Variants in CDH23 observed in about 807,000 individuals in gnomAD.
CDH23 encodes cadherin-23.
Under a neutral mutation model 317.1 loss-of-function variants are expected in CDH23, and 189 were observed. The ratio of observed to expected loss-of-function variants is 0.60; its 90% CI spans 0.53 to 0.67. The LOEUF is 0.67. CDH23 is among the 30% of genes least tolerant of loss of function. CDH23 has a pLI of 0.00. For synonymous variants in CDH23, 1,839 were observed against 1,876.8 expected (o/e 0.98, Z 0.52); for missense variants, 4,401 against 4,592.4 (o/e 0.96, Z 1.20).
At chr10:71,761,493 C>G (rs1366123076) in intron 38 of CDH23, 1 of 1,312,900 alleles carries the variant, frequency 7.6e-7, no homozygotes, top group Non-Finnish European at 1.0e-6. Flanking sequence ...GCCAGTGTTA[C>G]CCATGCAGCC....
intron 1 of CDH23, among the ~76,000 whole-genome samples, chr10:71,398,808 C>A (rs1030910101): frequency 6.6e-6 from 1 of 152,044 alleles, no homozygotes; most frequent in Non-Finnish European, 1.5e-5. Flanking sequence ...GGGTGTCCCC[C>A]GTGAGTTGGG....
At chr10:71,548,535 T>A (rs1448518020) in intron 6 of CDH23, among the ~76,000 whole-genome samples, 2 of 152,104 alleles carry the variant, frequency 1.3e-5, no homozygotes, top group African/African-American at 4.8e-5. Flanking sequence ...AGCCCCAACT[T>A]GGGGAACCAG....
chr10:71,810,083 C>T lies in CDH23; in HGVS notation c.8979+7C>T. On this transcript the variant is annotated splice_region_variant and intron_variant, in intron 61 of 69. Coordinates refer to ENST00000224721, the MANE Select transcript of CDH23 (RefSeq NM_022124.6). ...CAATACTGACAATGTGCAGGTGCCT[C>T]ATGGGCCCACCCGGGGCCGGGGCAG... 2 of 1,609,764 alleles carry T rather than the reference C, an allele frequency of 1.2e-6. No homozygotes were observed. The highest frequency in any genetic ancestry group is 1.7e-6 in the Non-Finnish European group (2 of 1,177,558).
intron 6 of CDH23, among the ~76,000 whole-genome samples, chr10:71,521,562 A>G (rs532708723): frequency 6.6e-6 from 1 of 152,266 alleles, no homozygotes; most frequent in South Asian, 2.1e-4. Context: ...AGATGCTGCC[A>G]TCCAAGCCCA....
chr10:71,511,006 G>A lies in CDH23; in HGVS notation c.336+5G>A. ...TCTGTCAGCGACCACCAGGGGGTGA[G>A]TGTTCCCTGGGGCCCTGGAGGCATG... On this transcript the variant is annotated splice_donor_5th_base_variant and intron_variant, in intron 5 of 69. Coordinates refer to ENST00000224721, the MANE Select transcript of CDH23 (RefSeq NM_022124.6). 1 of 1,613,798 alleles carries A rather than the reference G, an allele frequency of 6.2e-7. No homozygotes were observed. The highest frequency in any genetic ancestry group is 8.5e-7 in the Non-Finnish European group (1 of 1,179,704).
intron 20 of CDH23, among the ~76,000 whole-genome samples, chr10:71,693,470 G>A (rs773167223): frequency 1.6e-4 from 25 of 152,194 alleles, no homozygotes; most frequent in Non-Finnish European, 3.2e-4. Context: ...TCTTCACAAT[G>A]TAATTAGGAA....
chr10:71,496,509 C>A (rs149030786), intron 3 of CDH23, among the ~76,000 whole-genome samples: 1 of 152,096 alleles, frequency 6.6e-6, no homozygotes, highest in Non-Finnish European at 1.5e-5. Flanking sequence ...CATCACCTGG[C>A]GATTTAGAAC....
intron 41 of CDH23, among the ~76,000 whole-genome samples, chr10:71,782,490 G>C (rs891664439): frequency 1.3e-5 from 2 of 152,260 alleles, no homozygotes; most frequent in African/African-American, 2.4e-5. Context: ...TGCAGACCTA[G>C]ATATGATTGG....
chr10:71,629,608 G>A (rs1861909038), intron 11 of CDH23, among the ~76,000 whole-genome samples: 1 of 152,224 alleles, frequency 6.6e-6, no homozygotes. Flanking sequence ...CTGTACATCC[G>A]CTGCCGAATG....
chr10:71,617,184 G>T, intron 10 of CDH23, 21 bp from the exon 11 acceptor site: 1 of 1,603,258 alleles, frequency 6.2e-7, no homozygotes, highest in South Asian at 1.1e-5. Context: ...TCACTCCGGG[G>T]TGACTGATCT....
intron 6 of CDH23, among the ~76,000 whole-genome samples, chr10:71,515,111 G>A (rs1485796005): frequency 3.9e-5 from 6 of 152,196 alleles, no homozygotes; most frequent in Non-Finnish European, 4.4e-5. Context: ...TGTGAGGTTA[G>A]AAGTCTGGTG....
At chr10:71,530,306 C>T (rs938001813) in intron 6 of CDH23, among the ~76,000 whole-genome samples, 1 of 152,228 alleles carries the variant, frequency 6.6e-6, no homozygotes, top group African/African-American at 2.4e-5. Context: ...AGAGGCCCAC[C>T]TTTCCCGGCT....
chr10:71,692,508 T>G (rs1865223618), intron 20 of CDH23, among the ~76,000 whole-genome samples: 1 of 152,230 alleles, frequency 6.6e-6, no homozygotes, highest in Non-Finnish European at 1.5e-5. Context: ...CGTTTAAAAC[T>G]TTTTAGAGAT....
At chr10:71,521,952 G>A (rs1210218529) in intron 6 of CDH23, among the ~76,000 whole-genome samples, 3 of 152,164 alleles carry the variant, frequency 2.0e-5, no homozygotes, top group Non-Finnish European at 2.9e-5. Context: ...TAAGACAAGT[G>A]CAGCTCAACC....
intron 3 of CDH23, among the ~76,000 whole-genome samples, chr10:71,465,554 A>T (rs1378821887): frequency 3.3e-5 from 5 of 152,244 alleles, no homozygotes; most frequent in Non-Finnish European, 1.5e-5. Flanking sequence ...TGGCTAGGCC[A>T]GCTCAGGGCA....
chr10:71,512,067 A>G (rs942293615), intron 6 of CDH23: 1 of 152,228 alleles, frequency 6.6e-6, no homozygotes, highest in Non-Finnish European at 1.5e-5. Context: ...CCTTGATCCA[A>G]TGACTGATCA....
chr10:71,442,076 A>G (rs750230490), intron 2 of CDH23, among the ~76,000 whole-genome samples: 1 of 152,250 alleles, frequency 6.6e-6, no homozygotes, highest in Non-Finnish European at 1.5e-5. Flanking sequence ...GCACAGATGA[A>G]GTGCTTATTA....
chr10:71,516,772 G>A (rs1854354953), intron 6 of CDH23, among the ~76,000 whole-genome samples: 1 of 152,224 alleles, frequency 6.6e-6, no homozygotes, highest in South Asian at 2.1e-4. Flanking sequence ...TTAGGAGGCA[G>A]GCCTGGGGTG....
chr10:71,759,848 TATACAC>T (rs1840260711), intron 38 of CDH23, among the ~76,000 whole-genome samples: 1 of 11,638 alleles, frequency 8.6e-5, no homozygotes, highest in Non-Finnish European at 2.9e-4. Flanking sequence ...CACACACACA[TATACAC>T]ACACACACAC....
Sources: allele counts gnomAD v4.1 joint callset (sites outside exome capture counted in the v4.1 genomes callset), GRCh38; gene constraint gnomAD v4.1.1; transcripts MANE v1.5; gene names NCBI Gene and HGNC (gene_info 2026-07-23, HGNC 2026-07-21).